Variants in MMP16 observed in about 807,000 individuals in gnomAD.
MMP16 encodes matrix metallopeptidase 16, also known as matrix metalloproteinase-16.
MMP16 carries 12 observed loss-of-function variants against 67.8 expected under a neutral mutation model. That is an observed-to-expected ratio of 0.18 (90% confidence interval 0.11 to 0.29). The LOEUF (loss-of-function observed/expected upper bound fraction) is 0.29. MMP16 is among the 10% of genes least tolerant of loss of function. The probability of loss-of-function intolerance (pLI) is 1.00; values close to 1 mark genes in which losing one functional copy is unlikely to be tolerated. For synonymous variants in MMP16, 249 were observed against 255.9 expected, an observed-to-expected ratio of 0.97 and a Z score of 0.26; for missense variants, 475 against 765.7, an observed-to-expected ratio of 0.62 and a Z score of 4.48.
intron 4 of MMP16, among the ~76,000 whole-genome samples, chr8:88,164,812 CG>C: frequency 6.6e-6 from 1 of 151,540 alleles, no homozygotes; most frequent in East Asian, 2.0e-4. Flanking sequence ...TAACATAATC[CG>C]GAAGTAGACT....
chr8:88,162,738 G>C (rs944975133), intron 4 of MMP16, among the ~76,000 whole-genome samples: 2 of 151,950 alleles, frequency 1.3e-5, no homozygotes, highest in African/African-American at 2.4e-5. Flanking sequence ...AACGAGATCT[G>C]GTTGTTGAAA....
chr8:88,289,852 C>G (rs1247328378), intron 1 of MMP16, among the ~76,000 whole-genome samples: 1 of 152,038 alleles, frequency 6.6e-6, no homozygotes, highest in Non-Finnish European at 1.5e-5. Flanking sequence ...GTGCCTACCC[C>G]ACTAGCAAGT....
At chr8:88,242,735 T>C (rs373410921) in intron 1 of MMP16, among the ~76,000 whole-genome samples, 2 of 152,186 alleles carry the variant, frequency 1.3e-5, no homozygotes, top group African/African-American at 2.4e-5. Flanking sequence ...AACTCTATTA[T>C]GGACAATATA....
intron 1 of MMP16, among the ~76,000 whole-genome samples, chr8:88,250,300 G>C (rs1436537336): frequency 1.3e-5 from 2 of 152,054 alleles, no homozygotes; most frequent in East Asian, 3.9e-4. Context: ...CTTAAGAACG[G>C]GTGGGCACAG....
chr8:88,263,424 T>A (rs1275880004), intron 1 of MMP16, among the ~76,000 whole-genome samples: 2 of 152,108 alleles, frequency 1.3e-5, no homozygotes, highest in East Asian at 3.9e-4. Context: ...TATGGAAAAA[T>A]TCCCCACCCA....
intron 3 of MMP16, among the ~76,000 whole-genome samples, chr8:88,177,362 A>C (rs1808909607): frequency 6.6e-6 from 1 of 152,220 alleles, no homozygotes; most frequent in African/African-American, 2.4e-5. Context: ...CAAAAAAGTA[A>C]GGTCATAGGG....
At chr8:88,266,947 C>G (rs1400812483) in intron 1 of MMP16, among the ~76,000 whole-genome samples, 1 of 152,166 alleles carries the variant, frequency 6.6e-6, no homozygotes, top group African/African-American at 2.4e-5. Flanking sequence ...AATCTATTAA[C>G]TATTCTAAAA....
intron 1 of MMP16, among the ~76,000 whole-genome samples, chr8:88,255,112 G>A (rs1488205509): frequency 6.6e-6 from 1 of 152,162 alleles, no homozygotes; most frequent in Non-Finnish European, 1.5e-5. Flanking sequence ...TATTGGACAT[G>A]GGGCCTGGCA....
chr8:88,193,202 C>T (rs556985869), intron 2 of MMP16, among the ~76,000 whole-genome samples: 1 of 152,160 alleles, frequency 6.6e-6, no homozygotes, highest in African/African-American at 2.4e-5. Flanking sequence ...GGTATTTATA[C>T]ACAATGGAAT....
At chr8:88,071,295 T>C (rs1041669773) in intron 7 of MMP16, among the ~76,000 whole-genome samples, 9 of 152,114 alleles carry the variant, frequency 5.9e-5, no homozygotes, top group Admixed American at 1.3e-4. Flanking sequence ...TATAGTTGAA[T>C]CCACATCTTC....
At chr8:88,157,523 C>A (rs561014022) in intron 4 of MMP16, among the ~76,000 whole-genome samples, 16 of 151,718 alleles carry the variant, frequency 1.1e-4, no homozygotes, top group African/African-American at 3.4e-4. Flanking sequence ...GAGGCAACTT[C>A]CGAAGTCATG....
At chr8:88,214,863 C>T (rs1270269071) in intron 1 of MMP16, among the ~76,000 whole-genome samples, 1 of 152,130 alleles carries the variant, frequency 6.6e-6, no homozygotes. Flanking sequence ...TGTTTACTGC[C>T]AGTGTGATAA....
At chr8:88,138,534 T>C (rs1193910865) in intron 4 of MMP16, among the ~76,000 whole-genome samples, 1 of 152,056 alleles carries the variant, frequency 6.6e-6, no homozygotes, top group Non-Finnish European at 1.5e-5. Flanking sequence ...ATCTTGGTGC[T>C]TCCCTACTCT....
At chr8:88,221,628 A>T (rs1809684490) in intron 1 of MMP16, among the ~76,000 whole-genome samples, 2 of 152,052 alleles carry the variant, frequency 1.3e-5, no homozygotes, top group Non-Finnish European at 2.9e-5. Flanking sequence ...AAAAAATATA[A>T]TTCTCAAACT....
At position 88,080,079 on chromosome 8, in the gene MMP16, G is replaced by A. The variant is rs150491846; in HGVS notation, c.1084-5336C>T. 9.4e-4 allele frequency among the ~76,000 whole-genome samples: 143 copies of A among 152,280 alleles called. 1 individual carries two copies. Among genetic ancestry groups the A allele is most frequent in the African/African-American group, 3.3e-3 (138 of 41,570 alleles). On this transcript the variant is annotated intron_variant, in intron 6 of 9. Transcript: ENST00000286614. ...GTTACTGCATCATGGTATTTGTGAC[G>A]TCATTTCTTCCACCTACTCCACTGT...
intron 3 of MMP16, among the ~76,000 whole-genome samples, chr8:88,182,548 C>G (rs761706636): frequency 2.5e-4 from 38 of 152,094 alleles, no homozygotes; most frequent in Non-Finnish European, 4.6e-4. Context: ...AATACACTGA[C>G]AACACCATAT....
intron 1 of MMP16, among the ~76,000 whole-genome samples, chr8:88,244,744 C>T (rs1463743719): frequency 6.6e-6 from 1 of 152,158 alleles, no homozygotes; most frequent in African/African-American, 2.4e-5. Context: ...TTTCAACTAC[C>T]TGGCTATAAC....
intron 1 of MMP16, among the ~76,000 whole-genome samples, chr8:88,204,165 G>A (rs1207882122): frequency 6.6e-6 from 1 of 152,128 alleles, no homozygotes; most frequent in African/African-American, 2.4e-5. Context: ...CAGTTGCAGA[G>A]GGTTTTAAGC....
intron 6 of MMP16, among the ~76,000 whole-genome samples, chr8:88,089,135 G>A (rs1197742549): frequency 6.6e-6 from 1 of 151,964 alleles, no homozygotes; most frequent in Non-Finnish European, 1.5e-5. Flanking sequence ...TGTCATTTTG[G>A]CATAAAAGAG....
Sources: gnomAD v4.1 joint callset for allele counts (sites outside exome capture counted in the v4.1 genomes callset) on GRCh38, gnomAD v4.1.1 for gene constraint, MANE v1.5 for transcripts, NCBI Gene and HGNC (gene_info 2026-07-23, HGNC 2026-07-21) for gene names.